CKAP2L: variants seen among roughly 807,000 people sequenced by gnomAD.
CKAP2L encodes cytoskeleton-associated protein 2-like.
Under a neutral mutation model 65.7 loss-of-function variants are expected in CKAP2L, and 42 were observed. The observed-to-expected ratio is 0.64, with a 90% confidence interval of 0.50 to 0.83. The LOEUF (loss-of-function observed/expected upper bound fraction) is 0.83, where lower values mean the gene tolerates loss of function less well. Among genes scored for constraint, CKAP2L ranks in the 40% least tolerant of loss-of-function variants. The probability of loss-of-function intolerance (pLI) is 0.00; values close to 1 mark genes in which losing one functional copy is unlikely to be tolerated. For synonymous variants in CKAP2L, 325 were observed against 313.5 expected, an observed-to-expected ratio of 1.04 and a Z score of -0.39; for missense variants, 908 against 871.0, an observed-to-expected ratio of 1.04 and a Z score of -0.53.
rs201987681 is a variant in CKAP2L at position 112,756,249 on chromosome 2, G to A, written c.1122C>T (p.Ala374=). 29 of 1,613,952 alleles carry A rather than the reference G, an allele frequency of 1.8e-5. No homozygotes were observed. The highest frequency in any genetic ancestry group is 1.2e-4 in the African/African-American group (9 of 74,902). Reference sequence around the variant, plus strand: ...CTGTCAAATTAGGCCTCTGGCTTATGGCTTTTGACTTTTGCAGTACACATG... The same window carrying A: ...CTGTCAAATTAGGCCTCTGGCTTATAGCTTTTGACTTTTGCAGTACACATG... ...QTSCVLQKSK[A]ISQRPNLTVG... The change falls in exon 4 of 9, where the codon GCC becomes GCT. Residue 374 remains alanine (A), a synonymous_variant. Coordinates refer to ENST00000302450, the MANE Select transcript of CKAP2L (RefSeq NM_152515.5).
At chr2:112,745,028 G>A (rs1427386898) in intron 6 of CKAP2L, among the ~76,000 whole-genome samples, 1 of 152,098 alleles carries the variant, frequency 6.6e-6, no homozygotes, top group African/African-American at 2.4e-5. Context: ...CTAAAAACAA[G>A]GGATCCACCC....
In CKAP2L at chr2:112,757,240, TA is replaced by T. The variant is rs1444845626; in HGVS notation, c.157-27del. ...CTGAAAAAACAAAGAAAATACATAT[TA>T]AAAAATCCTTAACATATCTTATTGT... On this transcript the variant is annotated intron_variant, in intron 3 of 8. Coordinates refer to ENST00000302450, the MANE Select transcript of CKAP2L (RefSeq NM_152515.5). 3 of 1,462,066 alleles carry T rather than the reference TA, an allele frequency of 2.1e-6. No homozygotes were observed. The East Asian group carries it at 6.9e-5, about 33-fold the overall frequency. The allele number at this position is 1,462,066 out of a possible 1,614,324, so 90.6% of individuals were successfully genotyped here.
At position 112,756,068 on chromosome 2, in the gene CKAP2L, T is replaced by C. The variant is rs1680522538; in HGVS notation, c.1303A>G (p.Thr435Ala). ...ACATCAGCTTGAGTTTTGGGAGCTG[T>C]CTTGTTCAGAAAATGGTTCTGGGGA... is the stretch of plus-strand genomic sequence containing the variant. The part of the protein sequence containing the change: ...AVPQNHFLNK[T>A]APKTQADVTT... The change falls in exon 4 of 9, where the codon ACA becomes GCA. Residue 435 changes from threonine (T) to alanine (A), a missense_variant. Transcript: ENST00000302450. 6.2e-7 allele frequency: 1 copy of C among 1,614,154 alleles called. No homozygotes were observed. Among genetic ancestry groups the C allele is most frequent in the Non-Finnish European group, 8.5e-7 (1 of 1,180,022 alleles).
At chr2:112,754,485 AG>A (rs1680474263) in intron 4 of CKAP2L, among the ~76,000 whole-genome samples, 1 of 152,218 alleles carries the variant, frequency 6.6e-6, no homozygotes, top group Non-Finnish European at 1.5e-5. Context: ...TCATAAACGA[AG>A]AGTGAACTTT....
chr2:112,741,366 T>C (rs749587434), intron 7 of CKAP2L, among the ~76,000 whole-genome samples: 42 of 152,256 alleles, frequency 2.8e-4, no homozygotes, highest in Non-Finnish European at 4.4e-4. Flanking sequence ...TTGGATCAAT[T>C]TTCTTGACTC....
intron 5 of CKAP2L, among the ~76,000 whole-genome samples, chr2:112,751,815 A>G (rs1434772474): frequency 6.6e-6 from 1 of 152,224 alleles, no homozygotes; most frequent in Non-Finnish European, 1.5e-5. Flanking sequence ...TTATCTGCAG[A>G]ATCCAAGATA....
rs143618159 is a variant in CKAP2L, at chr2:112,756,463, A to C, written c.908T>G (p.Ile303Arg). 2 of 1,612,454 alleles carry C rather than the reference A, an allele frequency of 1.2e-6. No homozygotes were observed. The highest frequency in any genetic ancestry group is 1.7e-6 in the Non-Finnish European group (2 of 1,179,504). The change falls in exon 4 of 9, where the codon ATA becomes AGA. Residue 303 changes from isoleucine to arginine, a missense_variant. By Grantham distance (97) the Ile-to-Arg change is moderately conservative. Coordinates refer to ENST00000302450, the MANE Select transcript of CKAP2L (RefSeq NM_152515.5). Reference protein sequence around the residue: ...KKPVVKNIKDIKVNRSQYERP... With the variant: ...KKPVVKNIKDRKVNRSQYERP... ...TTCATATTGACTCCTATTAACCTTT[A>C]TATCTTTGATGTTCTTGACTACTGG...
At chr2:112,750,025 A>G (rs192974696) in intron 5 of CKAP2L, among the ~76,000 whole-genome samples, 1 of 152,224 alleles carries the variant, frequency 6.6e-6, no homozygotes, top group East Asian at 1.9e-4. Context: ...CCAAATGGAT[A>G]GCATCTTTTC....
chr2:112,752,690 G>A (rs1558759905), intron 4 of CKAP2L, among the ~76,000 whole-genome samples: 1 of 152,120 alleles, frequency 6.6e-6, no homozygotes, highest in African/African-American at 2.4e-5. Context: ...AAGATCACAC[G>A]TGGCCAGCAC....
At chr2:112,748,975 T>C (rs921162177) in intron 5 of CKAP2L, among the ~76,000 whole-genome samples, 19 of 152,230 alleles carry the variant, frequency 1.2e-4, no homozygotes, top group African/African-American at 3.1e-4. Flanking sequence ...CAGTGTATTA[T>C]TTTATGAAAT....
In CKAP2L at chr2:112,756,074, T is replaced by C. The variant is rs1182108000; in HGVS notation, c.1297A>G (p.Asn433Asp). 1 of 1,614,176 alleles carries C rather than the reference T, an allele frequency of 6.2e-7. No individual in the cohort carries two copies. Among genetic ancestry groups the C allele is most frequent in the Non-Finnish European group, 8.5e-7 (1 of 1,180,022 alleles). Reference sequence around the variant, plus strand: ...GCTTGAGTTTTGGGAGCTGTCTTGTTCAGAAAATGGTTCTGGGGAACAGCC... The same window carrying C: ...GCTTGAGTTTTGGGAGCTGTCTTGTCCAGAAAATGGTTCTGGGGAACAGCC... ...KKAVPQNHFL[N>D]KTAPKTQADV... is the part of the protein sequence containing the mutation. Residue 433 changes from asparagine to aspartate, a missense_variant, in exon 4 of 9, where the codon AAC (asparagine) becomes GAC (aspartate). Transcript: ENST00000302450.
At chr2:112,764,298 A>G (rs542997660) in intron 1 of CKAP2L, among the ~76,000 whole-genome samples, 7 of 152,314 alleles carry the variant, frequency 4.6e-5, no homozygotes, top group Non-Finnish European at 8.8e-5. Flanking sequence ...ACGTGGTGAC[A>G]ATGACATCTC....
At chr2:112,740,747 G>C (rs1241380429) in intron 8 of CKAP2L, 71 bp downstream of exon 8, 2 of 1,304,516 alleles carry the variant, frequency 1.5e-6, no homozygotes, top group East Asian at 4.6e-5. Flanking sequence ...CTCTAGATCT[G>C]TGAAGGAAAA....
chr2:112,755,903 C>A, intron 4 of CKAP2L, 74 bp downstream of exon 4: 1 of 1,411,048 alleles, frequency 7.1e-7, no homozygotes, highest in Admixed American at 2.4e-5. Context: ...GGCCTATTTC[C>A]TGACCTAGTC....
At chr2:112,748,234 A>C (rs1574328380) in intron 5 of CKAP2L, among the ~76,000 whole-genome samples, 3 of 152,208 alleles carry the variant, frequency 2.0e-5, no homozygotes, top group African/African-American at 7.2e-5. Context: ...GGAGAAAAAA[A>C]TATAATAGAA....
intron 6 of CKAP2L, 124 bp from the exon 7 acceptor site, chr2:112,742,893 TA>T: frequency 1.6e-6 from 1 of 637,000 alleles, no homozygotes; most frequent in Admixed American, 3.2e-5. Context: ...CGTCTAACTA[TA>T]AATCTTTTGT....
chr2:112,755,805 T>C (rs892590343), intron 4 of CKAP2L, among the ~76,000 whole-genome samples, 172 bp downstream of exon 4: 8 of 152,196 alleles, frequency 5.3e-5, no homozygotes, highest in Non-Finnish European at 1.0e-4. Context: ...ATGTACCACC[T>C]AGCCCTGTCA....
rs1351723959 is a variant in CKAP2L, at chr2:112,762,562, C to CGCAG, written c.44_45insCTGC (p.Gln16CysfsTer29). 1 of 1,613,544 alleles carries CGCAG rather than the reference C, an allele frequency of 6.2e-7. No individual in the cohort carries two copies. The highest frequency in any genetic ancestry group is 1.1e-5 in the South Asian group (1 of 91,072). Reference sequence around the variant, plus strand: ...CAAGGTACTCCTGAAGCTTTCTCTGCCGCTCTTCTGCAACACAGGCAAGCA... The same window carrying CGCAG: ...CAAGGTACTCCTGAAGCTTTCTCTGCGCAGCGCTCTTCTGCAACACAGGCAAGCA... On this transcript the variant is annotated frameshift_variant, in exon 2 of 9. Transcript: ENST00000302450. LOFTEE classifies it high-confidence loss of function.
intron 6 of CKAP2L, among the ~76,000 whole-genome samples, chr2:112,746,031 A>G (rs542947797): frequency 6.6e-6 from 1 of 152,344 alleles, no homozygotes; most frequent in East Asian, 1.9e-4. Context: ...AAACTACTTG[A>G]CTGCTTAAAC....
Sources: allele counts gnomAD v4.1 joint callset (sites outside exome capture counted in the v4.1 genomes callset), GRCh38; gene constraint gnomAD v4.1.1; transcripts MANE v1.5; gene names NCBI Gene and HGNC (gene_info 2026-07-23, HGNC 2026-07-21).